The following VAMP1 variants were observed in gnomAD, a reference collection of about 807,000 sequenced individuals.
VAMP1 encodes the protein vesicle-associated membrane protein 1.
A neutral mutation model predicts 19.1 loss-of-function variants in VAMP1; 16 were observed. That is an observed-to-expected ratio of 0.84 (90% CI 0.57 to 1.27). The LOEUF (loss-of-function observed/expected upper bound fraction) is 1.27, where lower values mean the gene tolerates loss of function less well. Ranked by LOEUF, VAMP1 falls within the 50% of genes most tolerant of loss-of-function variation. The pLI is 0.00. For synonymous variants in VAMP1, 37 were observed against 50.2 expected (o/e 0.74, Z 1.11); for missense variants, 109 against 145.4 (o/e 0.75, Z 1.29).
Position 6,464,355 on chromosome 12 carries a change from G to C in VAMP1, c.*115C>G, listed in dbSNP as rs1180272537. On this transcript the variant is annotated 3_prime_UTR_variant, in exon 5 of 5. Transcript: ENST00000396308. ...CGAAAAAGGAGGAATGGGTGATGGA[G>C]AAGCCTGGGCTGGAATGGAGGACGG... 1 of 1,551,456 alleles carries C rather than the reference G, an allele frequency of 6.4e-7. No homozygotes were observed. The highest frequency in any genetic ancestry group is 8.7e-7 in the Non-Finnish European group (1 of 1,146,946).
At chr12:6,470,337 T>C (rs1370698702) in intron 1 of VAMP1, among the ~76,000 whole-genome samples, 193 bp downstream of exon 1, 4 of 151,470 alleles carry the variant, frequency 2.6e-5, no homozygotes. Flanking sequence ...CGTGGGGTGC[T>C]AGCTGTGGCT....
At chr12:6,466,437 A>G in intron 1 of VAMP1, 86 bp from the exon 2 acceptor site, 1 of 1,460,104 alleles carries the variant, frequency 6.8e-7, no homozygotes, top group Admixed American at 2.4e-5. Context: ...AGTCCCAGCT[A>G]CTCAAGAGGC....
chr12:6,465,368 ATATAAATG>A lies in VAMP1; in HGVS notation c.289-435_289-428del, dbSNP rs1342542353. 4.1e-4 allele frequency: 41 copies of A among 100,574 alleles called. 1 individual carries two copies. The highest frequency in any genetic ancestry group is 7.6e-4 in the Admixed American group (6 of 7,846). 6.2% of individuals were successfully genotyped at this position (100,574 alleles called of 1,614,324 possible). ...AAGAAAAAGAAAAAAGTATATATAT[ATATAAATG>A]TATATATATGTATATATATATATAA... On this transcript the variant is annotated intron_variant, in intron 3 of 4. Transcript: ENST00000396308.
At chr12:6,465,466 A>AGAGAGT (rs201563012) in intron 3 of VAMP1, 1 of 103,200 alleles carries the variant, frequency 9.7e-6, no homozygotes, top group African/African-American at 4.7e-5. Flanking sequence ...GTGTATATAT[A>AGAGAGT]GTGTGTGTGT....
In VAMP1 at chr12:6,464,249, C is replaced by T. The variant is rs1474935308; in HGVS notation, c.*221G>A. On this transcript the variant is annotated 3_prime_UTR_variant, in exon 5 of 5. Coordinates refer to ENST00000396308, the MANE Select transcript of VAMP1 (RefSeq NM_014231.5). Reference sequence around the variant, plus strand: ...AAAGCAGGCAGGGAGGAGGCGCCAGCTGTTGCTCTTCGGGTAATGACTTAG... The same window carrying T: ...AAAGCAGGCAGGGAGGAGGCGCCAGTTGTTGCTCTTCGGGTAATGACTTAG... 8 of 1,526,160 alleles carry T rather than the reference C, an allele frequency of 5.2e-6. No individual in the cohort carries two copies. In the African/African-American group the frequency reaches 5.5e-5, roughly 10 times the overall value. The allele number at this position is 1,526,160 out of a possible 1,614,324, so 94.5% of individuals were successfully genotyped here.
At chr12:6,465,520 G>A (rs1012398091) in intron 3 of VAMP1, among the ~76,000 whole-genome samples, 7 of 148,944 alleles carry the variant, frequency 4.7e-5, no homozygotes, top group Non-Finnish European at 8.9e-5. Flanking sequence ...CCATTGTGCT[G>A]ATGTTGGGTG....
chr12:6,466,338 G>A lies in VAMP1; in HGVS notation c.16C>T (p.Gln6Ter). MSAPA[Q>*]PPAEGTEGTA... ...CCTTCTGTCCCTTCAGCAGGTGGCT[G>A]AGCTGGAGCAGACCTGTGGAAAGAC... The change falls in exon 2 of 5, where the codon CAG (glutamine) becomes TAG (stop). Residue 6 changes from glutamine to a stop codon, truncating the protein, a stop_gained. Transcript: ENST00000396308. LOFTEE classifies it high-confidence loss of function. 4 of 1,613,670 alleles carry A rather than the reference G, an allele frequency of 2.5e-6. No individual in the cohort carries two copies. Among genetic ancestry groups the A allele is most frequent in the East Asian group, 2.2e-5 (1 of 44,872 alleles).
chr12:6,464,018 GC>G lies in VAMP1; in HGVS notation c.*451del, dbSNP rs991196680. On this transcript the variant is annotated 3_prime_UTR_variant, in exon 5 of 5. Coordinates refer to ENST00000396308, the MANE Select transcript of VAMP1 (RefSeq NM_014231.5). Reference sequence around the variant, plus strand: ...AGGAAGGAAAGCTCCACATGACCAGGCAGTACTGAGTGAGCTGCCATCTTCC... The same window carrying G: ...AGGAAGGAAAGCTCCACATGACCAGGAGTACTGAGTGAGCTGCCATCTTCC... 9 of 1,293,336 alleles carry G rather than the reference GC, an allele frequency of 7.0e-6. No homozygotes were observed. Among genetic ancestry groups the G allele is most frequent in the Non-Finnish European group, 9.1e-6 (9 of 991,644 alleles). 80.1% of individuals were successfully genotyped at this position (1,293,336 alleles called of 1,614,324 possible).
At position 6,470,540 on chromosome 12, in the gene VAMP1, CAGAG is replaced by C. The variant is rs780569091; in HGVS notation, c.-13_-10del. The stretch of plus-strand genomic sequence containing the variant: ...CCAGAGTCAACTCACATTTTTCTGA[CAGAG>C]AGAGTGAGGGTCTGTTCCTCTCCGG... On this transcript the variant is annotated 5_prime_UTR_variant, in exon 1 of 5. Coordinates refer to ENST00000396308, the MANE Select transcript of VAMP1 (RefSeq NM_014231.5). 1 of 1,614,030 alleles carries C rather than the reference CAGAG, an allele frequency of 6.2e-7. No individual in the cohort carries two copies. The highest frequency in any genetic ancestry group is 8.5e-7 in the Non-Finnish European group (1 of 1,179,916).
At position 6,463,573 on chromosome 12, in the gene VAMP1, T is replaced by C. The variant is rs1186228494; in HGVS notation, c.*897A>G. 27 of 1,056,334 alleles carry C rather than the reference T, an allele frequency of 2.6e-5. No homozygotes were observed. The highest frequency in any genetic ancestry group is 3.0e-5 in the Non-Finnish European group (26 of 871,856). 65.4% of individuals were successfully genotyped at this position (1,056,334 alleles called of 1,614,324 possible). On this transcript the variant is annotated 3_prime_UTR_variant, in exon 5 of 5. Transcript: ENST00000396308. This position sits in a 1 kb window ranked among gnomAD's most constrained non-coding sequence, Gnocchi z 4.0. ...TTCCTCTGAGCTTGTTACTTTCAAA[T>C]TAAGCACTTGACTCACTGTTTCTCT... is the stretch of plus-strand genomic sequence containing the variant.
chr12:6,470,460 C>G, intron 1 of VAMP1, 70 bp downstream of exon 1: 3 of 1,609,694 alleles, frequency 1.9e-6, no homozygotes, highest in Non-Finnish European at 2.5e-6. Flanking sequence ...ATTTTCCGTC[C>G]CGCAGAATCG....
chr12:6,469,398 T>C (rs74732293), intron 1 of VAMP1, among the ~76,000 whole-genome samples: 155 of 152,298 alleles, frequency 1.0e-3, no homozygotes, highest in African/African-American at 3.1e-3. Context: ...GTAGATACTA[T>C]CTGGAAGCCC....
rs1403995074 is a variant in VAMP1, at chr12:6,463,643, G to C, written c.*827C>G. The C allele has an allele frequency of 4.0e-5, 43 of 1,084,690 alleles. No individual in the cohort carries two copies. Among genetic ancestry groups the C allele is most frequent in the Non-Finnish European group, 4.7e-5 (42 of 887,954 alleles). The allele number at this position is 1,084,690 out of a possible 1,614,324, so 67.2% of individuals were successfully genotyped here. ...TCTCTTTATGCCAACAATTAACTGG[G>C]AGCTAGGTTAAATTATTTGGCTAGA... On this transcript the variant is annotated 3_prime_UTR_variant, in exon 5 of 5. Coordinates refer to ENST00000396308, the MANE Select transcript of VAMP1 (RefSeq NM_014231.5). This position sits in a 1 kb window ranked among gnomAD's most constrained non-coding sequence, Gnocchi z 4.0.
intron 1 of VAMP1, chr12:6,466,902 G>A (rs1565527677): frequency 1.3e-5 from 2 of 154,834 alleles, no homozygotes; most frequent in Admixed American, 6.5e-5. Context: ...CATGTTGTGG[G>A]AGGGACTCAG....
intron 1 of VAMP1, among the ~76,000 whole-genome samples, chr12:6,468,717 A>C (rs1945694692): frequency 1.3e-5 from 2 of 152,298 alleles, no homozygotes; most frequent in South Asian, 4.1e-4. Context: ...TGTGGTCTTC[A>C]AGACAAACTC....
chr12:6,465,436 A>ATATATGTATATATATATATAAATGTATC (rs1949995068), intron 3 of VAMP1: 1 of 134,358 alleles, frequency 7.4e-6, no homozygotes, highest in East Asian at 2.3e-4. Flanking sequence ...ATAAATGTAT[A>ATATATGTATATATATATATAAATGTATC]TATATGTATA....
Position 6,463,039 on chromosome 12 carries a change from T to C in VAMP1, c.*1431A>G. The C allele has an allele frequency of 6.5e-7, 1 of 1,544,508 alleles. No homozygotes were observed. The highest frequency in any genetic ancestry group is 8.7e-7 in the Non-Finnish European group (1 of 1,146,808). ...TCTCCGCTCTGTTCCCAGCCTGCCC[T>C]CCTCCCCTTGCACCTGGGCTTATCC... On this transcript the variant is annotated 3_prime_UTR_variant, in exon 5 of 5. Transcript: ENST00000396308. The surrounding 1 kb of genome is among the most constrained non-coding windows in gnomAD (Gnocchi z 4.0).
chr12:6,465,040 A>C, intron 3 of VAMP1, 99 bp from the exon 4 acceptor site: 3 of 1,560,052 alleles, frequency 1.9e-6, no homozygotes, highest in Admixed American at 1.9e-5. Context: ...TCCTTGGGAC[A>C]ATGGAAAAAA....
intron 1 of VAMP1, among the ~76,000 whole-genome samples, chr12:6,467,298 C>G (rs1298220673): frequency 6.6e-6 from 1 of 152,078 alleles, no homozygotes; most frequent in Non-Finnish European, 1.5e-5. Context: ...CAGAAGAAGA[C>G]AGGAAAATGC....
Sources: gnomAD v4.1 joint callset for allele counts (sites outside exome capture counted in the v4.1 genomes callset) on GRCh38, gnomAD v4.1.1 for gene constraint, Gnocchi (gnomAD v3.1) non-coding constraint, MANE v1.5 for transcripts, NCBI Gene and HGNC (gene_info 2026-07-23, HGNC 2026-07-21) for gene names.